Variants in CCNI2 observed in about 807,000 individuals in gnomAD.
CCNI2 encodes cyclin-I2.
CCNI2 carries 32 observed loss-of-function variants against 33.2 expected under a neutral mutation model. The observed-to-expected ratio is 0.96, with a 90% CI of 0.73 to 1.30. The LOEUF (loss-of-function observed/expected upper bound fraction) is 1.30. CCNI2 is among the 50% of genes most tolerant of loss of function. CCNI2 has a pLI of 0.00. For missense variants in CCNI2, 452 were observed against 486.2 expected, an observed-to-expected ratio of 0.93 and a Z score of 0.66; for synonymous variants, 231 against 219.9, an observed-to-expected ratio of 1.05 and a Z score of -0.45.
At chr5:132,754,437 G>A (rs1755152058), downstream of CCNI2, 1 of 717,322 alleles carries the variant, frequency 1.4e-6, no homozygotes, top group African/African-American at 1.7e-5. Flanking sequence ...CCAGGCTTTA[G>A]GGGAACTGCT....
intron 3 of CCNI2, among the ~76,000 whole-genome samples, chr5:132,750,615 A>C (rs145931983): frequency 2.0e-5 from 3 of 152,234 alleles, no homozygotes; most frequent in African/African-American, 7.2e-5. Context: ...ATGAGCTAGC[A>C]TGCAGCTGGG....
In CCNI2 at chr5:132,747,448, A is replaced by G. The variant is rs773420097; in HGVS notation, c.-48A>G. ...TGCAGTGTTCCGGGAGCTGGGTTATAAAATGCCGGGTTAAGCGGCAACTCA... is the reference window on the plus strand; with the variant it reads ...TGCAGTGTTCCGGGAGCTGGGTTATGAAATGCCGGGTTAAGCGGCAACTCA... On this transcript the variant is annotated 5_prime_UTR_variant, in exon 1 of 6. The change creates a new upstream start codon in the 5' untranslated region. Coordinates refer to ENST00000378731, the MANE Select transcript of CCNI2 (RefSeq NM_001039780.4). The surrounding 1 kb of genome is among the most constrained non-coding windows in gnomAD (Gnocchi z 4.1). 14 of 1,382,616 alleles carry G rather than the reference A, an allele frequency of 1.0e-5. No individual in the cohort carries two copies. In the Admixed American group the frequency reaches 1.4e-4, roughly 13 times the overall value. The allele number at this position is 1,382,616 out of a possible 1,614,324, so 85.6% of individuals were successfully genotyped here.
Position 132,752,149 on chromosome 5 carries a change from A to T in CCNI2, c.958A>T (p.Met320Leu). ...VIITLELERLMPGWCAPISDL... is the reference protein window; with the variant it reads ...VIITLELERLLPGWCAPISDL... Reference sequence around the variant, plus strand: ...CATCACCTTAGAGCTGGAGAGGCTCATGCCCGGCTGGTGTGCTCCTATATC... The same window carrying T: ...CATCACCTTAGAGCTGGAGAGGCTCTTGCCCGGCTGGTGTGCTCCTATATC... The change falls in exon 5 of 6, where the codon ATG becomes TTG. Residue 320 changes from methionine (M) to leucine (L), a missense_variant. By Grantham distance (15) the Met-to-Leu change is conservative. Transcript: ENST00000378731. 2 of 1,595,436 alleles carry T rather than the reference A, an allele frequency of 1.3e-6. No homozygotes were observed. The highest frequency in any genetic ancestry group is 2.2e-5 in the East Asian group (1 of 44,496).
chr5:132,750,695 T>C (rs1754774052), intron 3 of CCNI2, 162 bp from the exon 4 acceptor site: 1 of 667,938 alleles, frequency 1.5e-6, no homozygotes, highest in African/African-American at 1.8e-5. Flanking sequence ...ATTTGACAGA[T>C]AGCCAAGATC....
rs984140927 is a variant in CCNI2 at position 132,754,125 on chromosome 5, T to C, written c.*1155T>C. ...TATTTTTTCTTGACACACTTTTGCT[T>C]GTTGGTGCTTTCGTTAAAATTACAC... is the stretch of plus-strand genomic sequence containing the variant. On this transcript the variant is annotated 3_prime_UTR_variant, in exon 6 of 6. Transcript: ENST00000378731. The C allele has an allele frequency of 5.3e-6, 2 of 374,866 alleles. No individual in the cohort carries two copies. The highest frequency in any genetic ancestry group is 9.8e-6 in the Non-Finnish European group (2 of 203,842). 23.2% of individuals were successfully genotyped at this position (374,866 alleles called of 1,614,324 possible). A position where few individuals can be genotyped will look rare whatever the true frequency, so the allele number is the denominator to read the frequency against.
chr5:132,754,782 T>G (rs112115578), downstream of CCNI2, among the ~76,000 whole-genome samples: 1 of 152,220 alleles, frequency 6.6e-6, no homozygotes. Context: ...TTGGGAAACA[T>G]TTCTCAGGGA....
Position 132,752,169 on chromosome 5 carries a change from T to A in CCNI2, c.978T>A (p.Pro326=). 6.3e-7 allele frequency: 1 copy of A among 1,585,700 alleles called. No homozygotes were observed. Among genetic ancestry groups the A allele is most frequent in the Non-Finnish European group, 8.6e-7 (1 of 1,164,720 alleles). ...GGCTCATGCCCGGCTGGTGTGCTCC[T>A]ATATCTGATCTGCTAAAGAAAGCAC... is the stretch of plus-strand genomic sequence containing the variant. ...LERLMPGWCA[P]ISDLLKKAQV... is the part of the protein sequence containing the mutation. Residue 326 remains proline (P), a synonymous_variant, in exon 5 of 6, where the codon CCT becomes CCA. Coordinates refer to ENST00000378731, the MANE Select transcript of CCNI2 (RefSeq NM_001039780.4).
Position 132,748,432 on chromosome 5 carries a change from A to C in CCNI2, c.515A>C (p.Asn172Thr). 1 of 1,614,118 alleles carries C rather than the reference A, an allele frequency of 6.2e-7. No individual in the cohort carries two copies. Among genetic ancestry groups the C allele is most frequent in the Non-Finnish European group, 8.5e-7 (1 of 1,180,010 alleles). Residue 172 changes from asparagine (N) to threonine (T), a missense_variant, in exon 2 of 6, where the codon AAC becomes ACC. Asn to Thr is a moderately conservative substitution (Grantham distance 65). Transcript: ENST00000378731. ...NTFYFSQSTF[N>T]LALTIFGRLL... is the part of the protein sequence containing the mutation. ...TTTTACTTCTCCCAGTCCACTTTTA[A>C]CCTGGCCCTCACCATCTTTGGCCGC...
intron 3 of CCNI2, among the ~76,000 whole-genome samples, chr5:132,750,270 A>G (rs930960319): frequency 6.6e-6 from 1 of 152,198 alleles, no homozygotes; most frequent in African/African-American, 2.4e-5. Flanking sequence ...CAAGCCTTTA[A>G]TGTACTTGGT....
chr5:132,754,225 T>C lies in CCNI2; in HGVS notation c.*1255T>C. The stretch of plus-strand genomic sequence containing the variant: ...TTAGCCTTGCGAGAGTCAGATACAT[T>C]TGGAACACTATCTCCTAGGTCATAT... On this transcript the variant is annotated 3_prime_UTR_variant, in exon 6 of 6. Coordinates refer to ENST00000378731, the MANE Select transcript of CCNI2 (RefSeq NM_001039780.4). 1.1e-5 allele frequency: 6 copies of C among 569,048 alleles called. No individual in the cohort carries two copies. The South Asian group carries it at 1.2e-4, about 11-fold the overall frequency. The allele number at this position is 569,048 out of a possible 1,614,324, so 35.2% of individuals were successfully genotyped here. A position where few individuals can be genotyped will look rare whatever the true frequency, so the allele number is the denominator to read the frequency against.
At position 132,751,992 on chromosome 5, in the gene CCNI2, G is replaced by T. The variant is rs78904826; in HGVS notation, c.801G>T (p.Trp267Cys). 3.7e-6 allele frequency: 6 copies of T among 1,611,854 alleles called. No individual in the cohort carries two copies. Among genetic ancestry groups the T allele is most frequent in the Admixed American group, 3.3e-5 (2 of 59,832 alleles). The change falls in exon 5 of 6, where the codon TGG becomes TGT. Residue 267 changes from tryptophan (W) to cysteine (C), a missense_variant. Transcript: ENST00000378731. ...TIFHALVVLSWPHVLELLPQR... is the reference protein window; with the variant it reads ...TIFHALVVLSCPHVLELLPQR... ...TCCATGCCCTGGTGGTCCTGAGCTG[G>T]CCCCATGTGTTGGAGCTGCTGCCTC...
In CCNI2 at chr5:132,749,343, T is replaced by A; in HGVS notation, c.559-5T>A. Reference sequence around the variant, plus strand: ...CTGCTCAAATGTGTTTGTTCCATACTGCAGGTAAAAGAGAAATACCTGCAT... The same window carrying A: ...CTGCTCAAATGTGTTTGTTCCATACAGCAGGTAAAAGAGAAATACCTGCAT... On this transcript the variant is annotated splice_region_variant and splice_polypyrimidine_tract_variant and intron_variant, in intron 2 of 5. Transcript: ENST00000378731. The A allele has an allele frequency of 6.2e-7, 1 of 1,611,650 alleles. No individual in the cohort carries two copies. The highest frequency in any genetic ancestry group is 8.5e-7 in the Non-Finnish European group (1 of 1,177,688).
At chr5:132,749,542 A>G in intron 3 of CCNI2, 120 bp downstream of exon 3, 1 of 797,616 alleles carries the variant, frequency 1.3e-6, no homozygotes, top group South Asian at 1.6e-5. Context: ...TGAAAAAGTC[A>G]CCAACTTGCC....
Position 132,754,396 on chromosome 5 carries a change from C to T in CCNI2, c.*1426C>T, listed in dbSNP as rs1755146388. 12 of 717,268 alleles carry T rather than the reference C, an allele frequency of 1.7e-5. No individual in the cohort carries two copies. The highest frequency in any genetic ancestry group is 1.6e-4 in the South Asian group (11 of 67,600). 44.4% of individuals were successfully genotyped at this position (717,268 alleles called of 1,614,324 possible). A position where few individuals can be genotyped will look rare whatever the true frequency, so the allele number is the denominator to read the frequency against. ...GACCACAGTGCATGAGGCAGAAGGA[C>T]ATCCTGAGGGCCCATACCAGTTTAG... On this transcript the variant is annotated 3_prime_UTR_variant, in exon 6 of 6. Transcript: ENST00000378731.
chr5:132,752,844 T>A, intron 5 of CCNI2, 22 bp from the exon 6 acceptor site: 1 of 1,591,624 alleles, frequency 6.3e-7, no homozygotes, highest in Non-Finnish European at 8.6e-7. Flanking sequence ...TGCTTGAAGA[T>A]GGCCACTCTA....
At chr5:132,755,646 G>C (rs1210950154), downstream of CCNI2, among the ~76,000 whole-genome samples, 1 of 152,202 alleles carries the variant, frequency 6.6e-6, no homozygotes, top group Non-Finnish European at 1.5e-5. Flanking sequence ...CCTGGCACTC[G>C]AATATTAGTA....
chr5:132,753,032 C>T lies in CCNI2; in HGVS notation c.*62C>T. 2.3e-6 allele frequency: 3 copies of T among 1,320,772 alleles called. No homozygotes were observed. Among genetic ancestry groups the T allele is most frequent in the Non-Finnish European group, 3.3e-6 (3 of 917,100 alleles). The allele number at this position is 1,320,772 out of a possible 1,614,324, so 81.8% of individuals were successfully genotyped here. A position where few individuals can be genotyped will look rare whatever the true frequency, so the allele number is the denominator to read the frequency against. On this transcript the variant is annotated 3_prime_UTR_variant, in exon 6 of 6. Coordinates refer to ENST00000378731, the MANE Select transcript of CCNI2 (RefSeq NM_001039780.4). ...TGTGAAACCTCCTTGCTTGGACTACCATGAGTTCTTTGGCTTGTTATGAAT... is the reference window on the plus strand; with the variant it reads ...TGTGAAACCTCCTTGCTTGGACTACTATGAGTTCTTTGGCTTGTTATGAAT...
intron 1 of CCNI2, 97 bp downstream of exon 1, chr5:132,748,021 C>T (rs1754661864): frequency 2.4e-6 from 3 of 1,257,030 alleles, no homozygotes; most frequent in Admixed American, 3.7e-5. Flanking sequence ...AACTGGAGGC[C>T]GGGCCCTTCC....
Position 132,754,026 on chromosome 5 carries a change from G to C in CCNI2, c.*1056G>C, listed in dbSNP as rs973513990. The C allele has an allele frequency of 6.9e-6, 1 of 144,188 alleles. No homozygotes were observed. The highest frequency in any genetic ancestry group is 1.5e-5 in the Non-Finnish European group (1 of 68,244). 8.9% of individuals were successfully genotyped at this position (144,188 alleles called of 1,614,324 possible). A position where few individuals can be genotyped will look rare whatever the true frequency, so the allele number is the denominator to read the frequency against. ...CTAAGCCATGGGGTGGGAGGGGAAA[G>C]ATTTACTAGGTGCAAAGTGGTCAAG... On this transcript the variant is annotated 3_prime_UTR_variant, in exon 6 of 6. Coordinates refer to ENST00000378731, the MANE Select transcript of CCNI2 (RefSeq NM_001039780.4).
Sources: allele counts gnomAD v4.1 joint callset (sites outside exome capture counted in the v4.1 genomes callset), GRCh38; gene constraint gnomAD v4.1.1; non-coding constraint Gnocchi (gnomAD v3.1); transcripts MANE v1.5; gene names NCBI Gene and HGNC (gene_info 2026-07-23, HGNC 2026-07-21).